Variants in KCNH7 observed in about 807,000 individuals in gnomAD.
The protein encoded by KCNH7 is voltage-gated inwardly rectifying potassium channel KCNH7.
A neutral mutation model predicts 120.8 loss-of-function variants in KCNH7; 49 were observed. The observed-to-expected ratio is 0.41, with a 90% CI of 0.32 to 0.51. The LOEUF is 0.51. KCNH7 is among the 20% of genes least tolerant of loss of function. The pLI is 0.38. For missense variants in KCNH7, 1,097 were observed against 1,446.6 expected, an observed-to-expected ratio of 0.76 and a Z score of 3.92; for synonymous variants, 547 against 516.1, an observed-to-expected ratio of 1.06 and a Z score of -0.81.
At chr2:162,555,101 G>A (rs1275249604) in intron 2 of KCNH7, among the ~76,000 whole-genome samples, 3 of 152,228 alleles carry the variant, frequency 2.0e-5, no homozygotes, top group African/African-American at 4.8e-5. Flanking sequence ...CCAAATGGAT[G>A]AGCATAGATA....
intron 2 of KCNH7, among the ~76,000 whole-genome samples, chr2:162,688,542 T>A (rs1281831263): frequency 2.0e-5 from 3 of 152,100 alleles, no homozygotes; most frequent in Non-Finnish European, 1.5e-5. Context: ...TTTAGTTTAA[T>A]CAGAAATCAT....
chr2:162,647,479 T>A (rs909058620), intron 2 of KCNH7, among the ~76,000 whole-genome samples: 1 of 152,162 alleles, frequency 6.6e-6, no homozygotes, highest in East Asian at 1.9e-4. Flanking sequence ...GTTGGCTGTG[T>A]CCCCAACCAA....
intron 7 of KCNH7, among the ~76,000 whole-genome samples, chr2:162,436,713 C>G (rs1305777117): frequency 6.6e-6 from 1 of 152,092 alleles, no homozygotes; most frequent in Non-Finnish European, 1.5e-5. Context: ...ATTAAGAACA[C>G]TTATATCTTA....
At chr2:162,813,687 CTT>C (rs1359226447) in intron 2 of KCNH7, among the ~76,000 whole-genome samples, 1 of 152,148 alleles carries the variant, frequency 6.6e-6, no homozygotes, top group Non-Finnish European at 1.5e-5. Flanking sequence ...TTTGTATTCT[CTT>C]TTACATTTTT....
chr2:162,617,659 C>G (rs534905085), intron 2 of KCNH7, among the ~76,000 whole-genome samples: 3 of 152,230 alleles, frequency 2.0e-5, no homozygotes, highest in Non-Finnish European at 2.9e-5. Flanking sequence ...TATCTCAACA[C>G]AGAAATTGTT....
intron 2 of KCNH7, among the ~76,000 whole-genome samples, chr2:162,538,676 G>T (rs1032883056): frequency 6.6e-6 from 1 of 152,078 alleles, no homozygotes; most frequent in African/African-American, 2.4e-5. Flanking sequence ...GGCTCCTGCT[G>T]CTAGAGCTGA....
At chr2:162,588,599 A>G (rs910585896) in intron 2 of KCNH7, among the ~76,000 whole-genome samples, 3 of 152,020 alleles carry the variant, frequency 2.0e-5, no homozygotes, top group Admixed American at 6.6e-5. Context: ...ATAGTTTAAA[A>G]TTTTATTTTT....
intron 2 of KCNH7, among the ~76,000 whole-genome samples, chr2:162,715,742 G>A (rs958383479): frequency 4.6e-5 from 7 of 152,126 alleles, no homozygotes; most frequent in Non-Finnish European, 7.3e-5. Context: ...TAGATAAAGG[G>A]TACATATATG....
chr2:162,584,901 C>CTTTTTTTTT (rs5835912), intron 2 of KCNH7, among the ~76,000 whole-genome samples: 2 of 126,522 alleles, frequency 1.6e-5, no homozygotes, highest in Non-Finnish European at 1.7e-5. Flanking sequence ...CAATCCCCAG[C>CTTTTTTTTT]TTTTTTTTTT....
chr2:162,549,589 CT>C (rs1244705542), intron 2 of KCNH7, among the ~76,000 whole-genome samples: 1 of 152,088 alleles, frequency 6.6e-6, no homozygotes, highest in Non-Finnish European at 1.5e-5. Flanking sequence ...TCAGTGGAGA[CT>C]TTTTATAATC....
intron 10 of KCNH7, 131 bp downstream of exon 10, chr2:162,400,058 G>A: frequency 1.0e-6 from 1 of 984,050 alleles, no homozygotes; most frequent in Non-Finnish European, 1.5e-6. Context: ...TTTAAATGCA[G>A]CTTTCAAATT....
chr2:162,473,685 A>T (rs1689641415), intron 6 of KCNH7, among the ~76,000 whole-genome samples: 1 of 152,236 alleles, frequency 6.6e-6, no homozygotes, highest in Non-Finnish European at 1.5e-5. Context: ...TACAGAAATA[A>T]AAGACTCCTT....
In KCNH7 at chr2:162,435,549, C is replaced by T; in HGVS notation, c.1603G>A (p.Val535Met). The change falls in exon 8 of 16, where the codon GTG (valine) becomes ATG (methionine). Residue 535 changes from valine to methionine, a missense_variant. Transcript: ENST00000332142. Reference sequence around the variant, plus strand: ...CGATCCAGTTTCCTGGCCACGCGCACAAGACGGAGGAGTCGGGCAGTCTTC... The same window carrying T: ...CGATCCAGTTTCCTGGCCACGCGCATAAGACGGAGGAGTCGGGCAGTCTTC... ...LLKTARLLRL[V>M]RVARKLDRYS... The T allele has an allele frequency of 1.9e-6, 3 of 1,613,050 alleles. No homozygotes were observed. The highest frequency in any genetic ancestry group is 2.5e-6 in the Non-Finnish European group (3 of 1,179,406).
rs1419728102 is a variant in KCNH7 at position 162,435,552 on chromosome 2, G to A, written c.1600C>T (p.Leu534Phe). The change falls in exon 8 of 16, where the codon CTT becomes TTT. Residue 534 changes from leucine to phenylalanine, a missense_variant. This residue lies in a region of KCNH7 where 109 missense variants were observed against 196.8 expected (regional missense o/e 0.55). Transcript: ENST00000332142. The part of the protein sequence containing the change: ...GLLKTARLLR[L>F]VRVARKLDRY... ...TCCAGTTTCCTGGCCACGCGCACAA[G>A]ACGGAGGAGTCGGGCAGTCTTCAAA... 6.2e-7 allele frequency: 1 copy of A among 1,611,930 alleles called. No individual in the cohort carries two copies. Among genetic ancestry groups the A allele is most frequent in the South Asian group, 1.1e-5 (1 of 90,974 alleles).
chr2:162,433,600 C>T (rs1688141124), intron 8 of KCNH7, among the ~76,000 whole-genome samples: 3 of 152,134 alleles, frequency 2.0e-5, no homozygotes, highest in Non-Finnish European at 4.4e-5. Context: ...AACTGGACCC[C>T]TATCTTTCAC....
At chr2:162,730,637 CAT>C (rs1460879913) in intron 2 of KCNH7, among the ~76,000 whole-genome samples, 1 of 151,936 alleles carries the variant, frequency 6.6e-6, no homozygotes, top group African/African-American at 2.4e-5. Flanking sequence ...CAATAATACT[CAT>C]GTGGTGTGAT....
chr2:162,519,082 T>C (rs1691427134), intron 3 of KCNH7, among the ~76,000 whole-genome samples: 1 of 151,816 alleles, frequency 6.6e-6, no homozygotes, highest in Non-Finnish European at 1.5e-5. Context: ...GCATAACATC[T>C]AGTGCTGGCA....
chr2:162,713,633 G>A (rs940789737), intron 2 of KCNH7, among the ~76,000 whole-genome samples: 1 of 151,966 alleles, frequency 6.6e-6, no homozygotes, highest in Non-Finnish European at 1.5e-5. Flanking sequence ...TGTTTATTTC[G>A]ATAAAAAATT....
At chr2:162,799,440 C>A (rs1440084991) in intron 2 of KCNH7, among the ~76,000 whole-genome samples, 2 of 151,714 alleles carry the variant, frequency 1.3e-5, no homozygotes, top group Non-Finnish European at 2.9e-5. Context: ...AATAATCAAG[C>A]AATATTTTTT....
Sources: gnomAD v4.1 joint callset for allele counts (sites outside exome capture counted in the v4.1 genomes callset) on GRCh38, gnomAD v4.1.1 for gene constraint, gnomAD v4.1.1 regional missense constraint, MANE v1.5 for transcripts, NCBI Gene and HGNC (gene_info 2026-07-23, HGNC 2026-07-21) for gene names.